ZFHX3: variants seen among roughly 807,000 people sequenced by gnomAD.
ZFHX3 encodes the protein zinc finger homeobox protein 3.
Under a neutral mutation model 279.1 loss-of-function variants are expected in ZFHX3, and 42 were observed. That is an observed-to-expected ratio of 0.15 (90% confidence interval 0.12 to 0.19). ZFHX3 has a LOEUF of 0.19. Among genes scored for constraint, ZFHX3 ranks in the 10% least tolerant of loss-of-function variants. The pLI is 1.00. For synonymous variants in ZFHX3, 2,293 were observed against 1,957.8 expected, an observed-to-expected ratio of 1.17 and a Z score of -4.52; for missense variants, 4,981 against 4,754.0, an observed-to-expected ratio of 1.05 and a Z score of -1.40.
chr16:73,003,708 AAAAC>A (rs971694854), intron 1 of ZFHX3, among the ~76,000 whole-genome samples: 12 of 152,112 alleles, frequency 7.9e-5, no homozygotes, highest in South Asian at 2.1e-4. Context: ...TCCATCTCAA[AAAAC>A]AAACAAACAA....
chr16:72,796,227 A>T lies in ZFHX3; in HGVS notation c.6455T>A (p.Ile2152Asn). 1 of 1,613,930 alleles carries T rather than the reference A, an allele frequency of 6.2e-7. No homozygotes were observed. ...QQQNKRPRTR[I>N]TDDQLRVLRQ... is the part of the protein sequence containing the mutation. Reference sequence around the variant, plus strand: ...CAAGACTCGGAGCTGATCATCTGTGATCCTGGTGCGAGGCCTCTTGTTCTG... The same window carrying T: ...CAAGACTCGGAGCTGATCATCTGTGTTCCTGGTGCGAGGCCTCTTGTTCTG... Residue 2152 changes from isoleucine to asparagine, a missense_variant, in exon 9 of 10, where the codon ATC becomes AAC. Transcript: ENST00000268489.
intron 1 of ZFHX3, among the ~76,000 whole-genome samples, chr16:73,883,712 T>TA (rs1371141759): frequency 6.6e-6 from 1 of 151,746 alleles, no homozygotes; most frequent in Non-Finnish European, 1.5e-5. Flanking sequence ...AATATTTTTA[T>TA]AAAAAAGACA....
intron 3 of ZFHX3, among the ~76,000 whole-genome samples, chr16:73,381,754 T>C (rs1411849964): frequency 6.6e-6 from 1 of 152,144 alleles, no homozygotes; most frequent in Non-Finnish European, 1.5e-5. Flanking sequence ...ATAACAATAG[T>C]TGATGTGCTA....
rs16972669 is a variant in ZFHX3 at position 73,832,414 on chromosome 16, C to T, written c.-1608+59237G>A. The stretch of plus-strand genomic sequence containing the variant: ...TAGCTTAAGAAACAGTACAAAGACC[C>T]GTTCCTTAAGACTAGGGATAGAAGA... On this transcript the variant is annotated intron_variant, in intron 1 of 17. Transcript: ENST00000641206. 3.4e-3 allele frequency among the ~76,000 whole-genome samples: 524 copies of T among 152,184 alleles called. 2 individuals carry two copies. Among genetic ancestry groups the T allele is most frequent in the African/African-American group, 0.012 (482 of 41,506 alleles).
At chr16:73,010,506 A>G (rs777766927) in intron 1 of ZFHX3, among the ~76,000 whole-genome samples, 8 of 152,362 alleles carry the variant, frequency 5.3e-5, no homozygotes, top group Middle Eastern at 3.4e-3. Context: ...TTTCAGATGC[A>G]TTAAAGCGAA....
chr16:73,031,968 TTA>T, intron 1 of ZFHX3, among the ~76,000 whole-genome samples: 1 of 152,048 alleles, frequency 6.6e-6, no homozygotes. Flanking sequence ...CCTCAAAACT[TTA>T]TGAGCTCCTG....
intron 3 of ZFHX3, among the ~76,000 whole-genome samples, chr16:72,894,676 G>C (rs1486956464): frequency 6.6e-6 from 1 of 152,174 alleles, no homozygotes; most frequent in Admixed American, 6.5e-5. Context: ...ACCCTCAATT[G>C]GGATCACAAT....
chr16:72,912,899 A>G (rs2039354209), intron 3 of ZFHX3, among the ~76,000 whole-genome samples: 2 of 151,938 alleles, frequency 1.3e-5, no homozygotes, highest in Admixed American at 6.6e-5. Context: ...TAATTTTTGT[A>G]TTTTTAGTAG....
chr16:73,356,780 C>G (rs887418027), intron 3 of ZFHX3, among the ~76,000 whole-genome samples: 1 of 151,494 alleles, frequency 6.6e-6, no homozygotes, highest in South Asian at 2.1e-4. Context: ...GTCCTTTCAA[C>G]ATTCATCCTA....
chr16:73,537,474 G>A (rs946401517), intron 2 of ZFHX3, among the ~76,000 whole-genome samples: 11 of 151,976 alleles, frequency 7.2e-5, no homozygotes, highest in South Asian at 6.3e-4. Context: ...GTGCTGCCAC[G>A]CCCGGCTAAT....
At chr16:73,779,530 C>T (rs1340485713) in intron 1 of ZFHX3, among the ~76,000 whole-genome samples, 3 of 152,046 alleles carry the variant, frequency 2.0e-5, no homozygotes, top group Admixed American at 2.0e-4. Flanking sequence ...TTTACCCTGC[C>T]GTGTCTGCCA....
chr16:73,473,365 A>AAAAAAC (rs2018708239), intron 2 of ZFHX3, among the ~76,000 whole-genome samples: 13 of 130,168 alleles, frequency 1.0e-4, no homozygotes, highest in African/African-American at 4.0e-4. Flanking sequence ...AAACAAAAAA[A>AAAAAAC]AAAAAAACAA....
intron 1 of ZFHX3, among the ~76,000 whole-genome samples, chr16:73,720,116 G>T (rs1055495892): frequency 6.6e-6 from 1 of 152,116 alleles, no homozygotes; most frequent in African/African-American, 2.4e-5. Context: ...GGAAAATAAG[G>T]CAAAATTATA....
chr16:73,318,893 A>G (rs1383134980), intron 3 of ZFHX3, among the ~76,000 whole-genome samples: 1 of 152,178 alleles, frequency 6.6e-6, no homozygotes, highest in Non-Finnish European at 1.5e-5. Context: ...AAAGTGTCCT[A>G]TGCTATTTGA....
At chr16:73,294,821 A>AC (rs1225610584) in intron 4 of ZFHX3, among the ~76,000 whole-genome samples, 1 of 151,620 alleles carries the variant, frequency 6.6e-6, no homozygotes, top group Non-Finnish European at 1.5e-5. Flanking sequence ...CAAAAAAAAA[A>AC]AAACCAAAAA....
intron 1 of ZFHX3, among the ~76,000 whole-genome samples, chr16:73,793,848 C>T (rs972240665): frequency 6.6e-6 from 1 of 152,112 alleles, no homozygotes; most frequent in Non-Finnish European, 1.5e-5. Flanking sequence ...GGATACTGTA[C>T]CTTTAACCTT....
At chr16:73,533,203 A>G (rs370923243) in intron 2 of ZFHX3, among the ~76,000 whole-genome samples, 1 of 151,812 alleles carries the variant, frequency 6.6e-6, no homozygotes. Context: ...CCTCTTCCCC[A>G]TCCTCACTTT....
chr16:73,734,715 G>A (rs551355855), intron 1 of ZFHX3, among the ~76,000 whole-genome samples: 2 of 152,104 alleles, frequency 1.3e-5, no homozygotes, highest in Admixed American at 6.5e-5. Context: ...TATGAAAAAC[G>A]TAGAAAATTT....
chr16:73,105,929 A>ACCCCCCCCCCCC (rs34679627), intron 7 of ZFHX3, among the ~76,000 whole-genome samples: 4 of 110,834 alleles, frequency 3.6e-5, no homozygotes, highest in South Asian at 3.8e-4. Flanking sequence ...ATGTACACGG[A>ACCCCCCCCCCCC]CCCCCTCCCC....
Sources: gnomAD v4.1 joint callset for allele counts (sites outside exome capture counted in the v4.1 genomes callset) on GRCh38, gnomAD v4.1.1 for gene constraint, MANE v1.5 for transcripts, NCBI Gene and HGNC (gene_info 2026-07-23, HGNC 2026-07-21) for gene names.